ANTXR2: variants seen among roughly 807,000 people sequenced by gnomAD.
ANTXR2 encodes the protein ANTXR cell adhesion molecule 2.
ANTXR2 carries 44 observed loss-of-function variants against 73.7 expected under a neutral mutation model. That is an observed-to-expected ratio of 0.60 (90% CI 0.47 to 0.77). The LOEUF is 0.77. ANTXR2 is among the 30% of genes least tolerant of loss of function. The pLI, the probability that ANTXR2 is intolerant of heterozygous loss-of-function variation, is 0.00. For missense variants in ANTXR2, 604 were observed against 592.5 expected (o/e 1.02, Z -0.20); for synonymous variants, 217 against 205.9 (o/e 1.05, Z -0.46).
intron 16 of ANTXR2, among the ~76,000 whole-genome samples, chr4:79,951,239 G>A (rs1389008916): frequency 1.3e-5 from 2 of 152,050 alleles, no homozygotes; most frequent in Non-Finnish European, 2.9e-5. Context: ...ATATTTGTTG[G>A]ACATTCATAG....
chr4:80,044,779 T>C (rs1419410444), intron 7 of ANTXR2, among the ~76,000 whole-genome samples: 1 of 151,758 alleles, frequency 6.6e-6, no homozygotes, highest in Admixed American at 6.6e-5. Context: ...AAGAATGAAA[T>C]AAAAACTTTT....
chr4:79,985,349 CA>C (rs369006459), intron 12 of ANTXR2, among the ~76,000 whole-genome samples: 11 of 116,684 alleles, frequency 9.4e-5, no homozygotes, highest in Middle Eastern at 4.8e-3. Context: ...GACTCTGTCT[CA>C]AAAAAAAAAG....
chr4:79,937,628 C>T (rs919353465), intron 16 of ANTXR2, among the ~76,000 whole-genome samples: 3 of 152,184 alleles, frequency 2.0e-5, no homozygotes, highest in African/African-American at 7.2e-5. Context: ...TTATGTGTCA[C>T]TAACAAGGTA....
rs776226739 is a variant in ANTXR2 at position 79,904,263 on chromosome 4, T to C, written c.*3166A>G. 6.6e-6 allele frequency: 1 copy of C among 152,118 alleles called. No individual in the cohort carries two copies. The highest frequency in any genetic ancestry group is 1.5e-5 in the Non-Finnish European group (1 of 67,994). 9.4% of individuals were successfully genotyped at this position (152,118 alleles called of 1,614,324 possible). On this transcript the variant is annotated 3_prime_UTR_variant, in exon 17 of 17. Transcript: ENST00000403729. ...TTGAATAATTTATTATTTAAATGGT[T>C]AGAATAAAGTTCAAGGGAAATATAA...
chr4:80,000,198 A>G (rs1022987593), intron 12 of ANTXR2, among the ~76,000 whole-genome samples: 3 of 152,054 alleles, frequency 2.0e-5, no homozygotes, highest in African/African-American at 7.2e-5. Flanking sequence ...ATTCTTATGT[A>G]GTTGTATCTT....
At chr4:79,985,813 C>A (rs972429740) in intron 12 of ANTXR2, among the ~76,000 whole-genome samples, 57 of 150,106 alleles carry the variant, frequency 3.8e-4, no homozygotes, top group Non-Finnish European at 7.7e-4. Flanking sequence ...TGATGCCTTA[C>A]TCATGAAATC....
chr4:79,952,450 G>C (rs1441585196), intron 16 of ANTXR2, among the ~76,000 whole-genome samples: 3 of 151,486 alleles, frequency 2.0e-5, no homozygotes, highest in Non-Finnish European at 4.4e-5. Context: ...TTGATAACTT[G>C]TAGCTCATTT....
At chr4:80,066,147 T>C (rs1451115445) in intron 3 of ANTXR2, among the ~76,000 whole-genome samples, 1 of 152,186 alleles carries the variant, frequency 6.6e-6, no homozygotes, top group Non-Finnish European at 1.5e-5. Flanking sequence ...ATTAGTAAAA[T>C]AGCAATATAG....
At chr4:79,923,857 T>A (rs1727682269) in intron 16 of ANTXR2, among the ~76,000 whole-genome samples, 1 of 152,152 alleles carries the variant, frequency 6.6e-6, no homozygotes, top group Non-Finnish European at 1.5e-5. Flanking sequence ...GCTGTCTCTA[T>A]GTGTGTTGAT....
chr4:79,923,526 G>T (rs1727667525), intron 16 of ANTXR2, among the ~76,000 whole-genome samples: 1 of 152,090 alleles, frequency 6.6e-6, no homozygotes, highest in African/African-American at 2.4e-5. Context: ...CTTGGTGTCA[G>T]TTCCAAGGAG....
In ANTXR2 at chr4:80,067,207, C is replaced by CA. The variant is rs75413405; in HGVS notation, c.296+2228dup. The stretch of plus-strand genomic sequence containing the variant: ...GGCAACAGAACGAGACTCTGTCTCA[C>CA]AAAAAAAAAAAAGAAAGAAAGAAAG... On this transcript the variant is annotated intron_variant, in intron 3 of 16. Transcript: ENST00000403729. Among the ~76,000 whole-genome samples the CA allele has an allele frequency of 3.6e-3, 478 of 132,206 alleles. 2 individuals carry two copies. Among genetic ancestry groups the CA allele is most frequent in the Non-Finnish European group, 5.5e-3 (331 of 60,698 alleles). 86.7% of individuals were successfully genotyped at this position (132,206 alleles called of 152,430 possible).
intron 16 of ANTXR2, among the ~76,000 whole-genome samples, chr4:79,926,434 A>G (rs1377370937): frequency 6.6e-6 from 1 of 152,124 alleles, no homozygotes; most frequent in Non-Finnish European, 1.5e-5. Context: ...GTTAGCTTAC[A>G]TGGGTGGGAT....
intron 14 of ANTXR2, among the ~76,000 whole-genome samples, chr4:79,979,511 A>G (rs1456607532): frequency 6.6e-6 from 1 of 152,194 alleles, no homozygotes; most frequent in Non-Finnish European, 1.5e-5. Context: ...TCTTTTTGAT[A>G]AGGCTTACTT....
Position 80,018,892 on chromosome 4 carries a change from A to C in ANTXR2, c.945+6T>G. ...AAAGATAATCTTTGTGCAAACTTTTACTTACACATTCTGTGGCTGTGACAA... is the reference window on the plus strand; with the variant it reads ...AAAGATAATCTTTGTGCAAACTTTTCCTTACACATTCTGTGGCTGTGACAA... On this transcript the variant is annotated splice_donor_region_variant and intron_variant, in intron 11 of 16. Coordinates refer to ENST00000403729, the MANE Select transcript of ANTXR2 (RefSeq NM_058172.6). The C allele has an allele frequency of 6.6e-7, 1 of 1,510,370 alleles. No homozygotes were observed. Among genetic ancestry groups the C allele is most frequent in the Non-Finnish European group, 8.9e-7 (1 of 1,129,780 alleles). The allele number at this position is 1,510,370 out of a possible 1,614,324, so 93.6% of individuals were successfully genotyped here. A position where few individuals can be genotyped will look rare whatever the true frequency, so the allele number is the denominator to read the frequency against.
At chr4:79,995,998 T>A (rs558053229) in intron 12 of ANTXR2, among the ~76,000 whole-genome samples, 1 of 152,144 alleles carries the variant, frequency 6.6e-6, no homozygotes, top group Non-Finnish European at 1.5e-5. Context: ...AGATGCCACA[T>A]GCTCTGTCTC....
intron 7 of ANTXR2, among the ~76,000 whole-genome samples, chr4:80,049,786 A>T (rs1034087544): frequency 6.6e-6 from 1 of 151,708 alleles, no homozygotes; most frequent in Admixed American, 6.6e-5. Flanking sequence ...GAGCTCTCAA[A>T]TTCTACTAAT....
intron 16 of ANTXR2, among the ~76,000 whole-genome samples, chr4:79,927,050 C>A (rs1019293329): frequency 1.1e-5 from 1 of 91,130 alleles, no homozygotes; most frequent in African/African-American, 3.0e-5. Context: ...TATATATGTG[C>A]GTGTGTGTGT....
chr4:80,026,064 C>A (rs1004262366), intron 10 of ANTXR2, among the ~76,000 whole-genome samples: 10 of 152,046 alleles, frequency 6.6e-5, no homozygotes, highest in Admixed American at 3.3e-4. Context: ...AAATTGAGTG[C>A]CTTTCATCCA....
At chr4:80,000,069 T>C (rs891510628) in intron 12 of ANTXR2, among the ~76,000 whole-genome samples, 1 of 152,042 alleles carries the variant, frequency 6.6e-6, no homozygotes, top group African/African-American at 2.4e-5. Flanking sequence ...AAGAAAGATA[T>C]ATATTTTTTT....
Sources: allele counts gnomAD v4.1 joint callset (sites outside exome capture counted in the v4.1 genomes callset), GRCh38; gene constraint gnomAD v4.1.1; transcripts MANE v1.5; gene names NCBI Gene and HGNC (gene_info 2026-07-23, HGNC 2026-07-21).